CGNL1: variants seen among roughly 807,000 people sequenced by gnomAD.
CGNL1 encodes cingulin like 1.
CGNL1 carries 132 observed loss-of-function variants against 141.2 expected under a neutral mutation model. The ratio of observed to expected loss-of-function variants is 0.93; its 90% CI spans 0.81 to 1.08. CGNL1 has a LOEUF of 1.08. Ranked by LOEUF, CGNL1 falls within the 50% of genes least tolerant of loss-of-function variation. CGNL1 has a pLI of 0.00. For missense variants in CGNL1, 1,870 were observed against 1,588.6 expected (o/e 1.18, Z -3.01); for synonymous variants, 690 against 622.1 (o/e 1.11, Z -1.63).
At chr15:57,481,705 A>C (rs1184826787) in intron 8 of CGNL1, among the ~76,000 whole-genome samples, 1 of 151,344 alleles carries the variant, frequency 6.6e-6, no homozygotes, top group African/African-American at 2.5e-5. Flanking sequence ...GAGTGTGAAT[A>C]TGTTTTAATT....
chr15:57,531,767 G>A lies in CGNL1; in HGVS notation c.3279G>A (p.Arg1093=), dbSNP rs1223509681. Reference sequence around the variant, plus strand: ...ATTTGCTGTCTGAGAGGATCAGTAGGAGCAGGGAACAGGTACTATTCTATA... The same window carrying A: ...ATTTGCTGTCTGAGAGGATCAGTAGAAGCAGGGAACAGGTACTATTCTATA... The part of the protein sequence containing the change: ...NSDLLSERIS[R]SREQMEQLRN... The change falls in exon 14 of 19, where the codon AGG becomes AGA. Residue 1093 remains arginine (R), a synonymous_variant. Coordinates refer to ENST00000281282, the MANE Select transcript of CGNL1 (RefSeq NM_032866.5). 1 of 1,605,496 alleles carries A rather than the reference G, an allele frequency of 6.2e-7. No homozygotes were observed. The highest frequency in any genetic ancestry group is 8.5e-7 in the Non-Finnish European group (1 of 1,172,198).
chr15:57,488,913 C>CTAG (rs1350252808), intron 8 of CGNL1, among the ~76,000 whole-genome samples: 6 of 152,160 alleles, frequency 3.9e-5, no homozygotes, highest in African/African-American at 1.2e-4. Context: ...CATGTTGCTG[C>CTAG]TTTACCCAAA....
chr15:57,478,520 G>A (rs2063685144), intron 8 of CGNL1, among the ~76,000 whole-genome samples: 1 of 152,312 alleles, frequency 6.6e-6, no homozygotes, highest in Non-Finnish European at 1.5e-5. Flanking sequence ...TCCCTTTCCT[G>A]AAATAAAGCC....
Position 57,522,093 on chromosome 15 carries a change from T to C in CGNL1, c.2716-1396T>C, listed in dbSNP as rs140890343. On this transcript the variant is annotated intron_variant, in intron 10 of 18. Coordinates refer to ENST00000281282, the MANE Select transcript of CGNL1 (RefSeq NM_032866.5). ...TCTGGTGGGTGCCCAGCAGCAGCTGTGCTGGAGCACACTACTGCTAATTCC... is the reference window on the plus strand; with the variant it reads ...TCTGGTGGGTGCCCAGCAGCAGCTGCGCTGGAGCACACTACTGCTAATTCC... Among the ~76,000 whole-genome samples the C allele has an allele frequency of 4.8e-3, 736 of 152,338 alleles. 10 individuals carry two copies. The highest frequency in any genetic ancestry group is 0.017 in the African/African-American group (710 of 41,574).
chr15:57,462,033 T>C lies in CGNL1; in HGVS notation c.2403+141T>C, dbSNP rs1437499704. The C allele has an allele frequency of 2.9e-5, 20 of 689,636 alleles. No individual in the cohort carries two copies. In the Admixed American group the frequency reaches 4.2e-4, roughly 15 times the overall value. The allele number at this position is 689,636 out of a possible 1,614,324, so 42.7% of individuals were successfully genotyped here. A position where few individuals can be genotyped will look rare whatever the true frequency, so the allele number is the denominator to read the frequency against. On this transcript the variant is annotated intron_variant, in intron 8 of 18. Transcript: ENST00000281282. ...ATCAGATCATGGACACAGAGCTTAT[T>C]AACAAAGAATAAGCTCAATGGTCCT... is the stretch of plus-strand genomic sequence containing the variant.
intron 8 of CGNL1, among the ~76,000 whole-genome samples, chr15:57,467,945 C>T (rs1380211444): frequency 6.6e-6 from 1 of 152,106 alleles, no homozygotes; most frequent in African/African-American, 2.4e-5. Context: ...CCGCCTTGGC[C>T]TGGCGAAGTA....
chr15:57,544,433 C>T lies in CGNL1; in HGVS notation c.3376-40C>T, dbSNP rs150301787. On this transcript the variant is annotated intron_variant, in intron 15 of 18. Transcript: ENST00000281282. ...CTTCGCTGCTCTGCACAGAGCGTGG[C>T]AGACACATAGCCCCTCACAGTCTCC... 2.9e-4 allele frequency: 469 copies of T among 1,612,884 alleles called. 1 individual carries two copies. The African/African-American group carries it at 5.5e-3, about 19-fold the overall frequency.
intron 8 of CGNL1, among the ~76,000 whole-genome samples, chr15:57,512,702 C>G (rs2030422941): frequency 6.6e-6 from 1 of 152,140 alleles, no homozygotes; most frequent in Non-Finnish European, 1.5e-5. Context: ...TAGTTAGGCC[C>G]CAATCCAGGT....
chr15:57,445,727 G>A (rs2063242254), intron 4 of CGNL1, among the ~76,000 whole-genome samples: 1 of 152,188 alleles, frequency 6.6e-6, no homozygotes, highest in Admixed American at 6.5e-5. Context: ...TCAGGGATGT[G>A]TGAGCCAAGA....
intron 8 of CGNL1, among the ~76,000 whole-genome samples, chr15:57,492,516 T>A (rs1321009006): frequency 6.6e-6 from 1 of 152,212 alleles, no homozygotes; most frequent in East Asian, 1.9e-4. Flanking sequence ...ATAAAAAAGA[T>A]ATTTCTAAAA....
chr15:57,507,663 T>A (rs920912481), intron 8 of CGNL1, among the ~76,000 whole-genome samples: 1 of 152,278 alleles, frequency 6.6e-6, no homozygotes, highest in Admixed American at 6.5e-5. Context: ...GTACGGCAGG[T>A]TAATGACCAT....
intron 1 of CGNL1, among the ~76,000 whole-genome samples, chr15:57,406,627 C>T (rs2062726189): frequency 6.6e-6 from 1 of 152,128 alleles, no homozygotes; most frequent in Non-Finnish European, 1.5e-5. Flanking sequence ...GAACTGAAAG[C>T]CTGGAGTGAA....
chr15:57,432,116 C>T (rs1466866221), intron 1 of CGNL1, among the ~76,000 whole-genome samples: 1 of 152,170 alleles, frequency 6.6e-6, no homozygotes, highest in Non-Finnish European at 1.5e-5. Context: ...GGTACTATGC[C>T]GATTGCTTGG....
intron 1 of CGNL1, among the ~76,000 whole-genome samples, chr15:57,430,886 C>T (rs1372099183): frequency 2.0e-5 from 3 of 152,110 alleles, no homozygotes; most frequent in African/African-American, 7.2e-5. Flanking sequence ...ATGGCCGGCT[C>T]ATGTTTTATA....
chr15:57,407,676 A>T (rs1263889444), intron 1 of CGNL1, among the ~76,000 whole-genome samples: 1 of 152,136 alleles, frequency 6.6e-6, no homozygotes, highest in Non-Finnish European at 1.5e-5. Flanking sequence ...ACCCTGTCTC[A>T]GAAAAAAGGC....
intron 14 of CGNL1, among the ~76,000 whole-genome samples, chr15:57,538,535 G>C (rs915886528): frequency 2.0e-5 from 3 of 152,154 alleles, no homozygotes; most frequent in African/African-American, 7.2e-5. Context: ...GGGAGGTCTT[G>C]AACCTGTGGG....
At chr15:57,466,695 A>C (rs1032478361) in intron 8 of CGNL1, among the ~76,000 whole-genome samples, 6 of 152,182 alleles carry the variant, frequency 3.9e-5, no homozygotes, top group Non-Finnish European at 7.3e-5. Context: ...AAAAAGGGAG[A>C]TGTCTTTAGA....
At chr15:57,446,383 C>T (rs1242019905) in intron 4 of CGNL1, among the ~76,000 whole-genome samples, 1 of 152,148 alleles carries the variant, frequency 6.6e-6, no homozygotes, top group Non-Finnish European at 1.5e-5. Flanking sequence ...GTCCCCCTTC[C>T]TTCTGGGGGT....
intron 14 of CGNL1, among the ~76,000 whole-genome samples, chr15:57,534,666 CG>C (rs1281894015): frequency 2.6e-5 from 4 of 152,182 alleles, no homozygotes; most frequent in Admixed American, 2.0e-4. Flanking sequence ...AACTTCAAAA[CG>C]TAAGGCCGCT....
Sources: allele counts gnomAD v4.1 joint callset (sites outside exome capture counted in the v4.1 genomes callset), GRCh38; gene constraint gnomAD v4.1.1; transcripts MANE v1.5; gene names NCBI Gene and HGNC (gene_info 2026-07-23, HGNC 2026-07-21).